Variants in TCN1 observed in about 807,000 individuals in gnomAD.
The protein encoded by TCN1 is transcobalamin 1, also known as transcobalamin-1.
A neutral mutation model predicts 46.3 loss-of-function variants in TCN1; 47 were observed. The ratio of observed to expected loss-of-function variants is 1.01; its 90% CI spans 0.80 to 1.29. The LOEUF is 1.29. TCN1 is among the 50% of genes most tolerant of loss of function. The pLI is 0.00. For missense variants in TCN1, 532 were observed against 511.0 expected (o/e 1.04, Z -0.40); for synonymous variants, 183 against 192.5 (o/e 0.95, Z 0.41).
At position 59,853,308 on chromosome 11, in the gene TCN1, C is replaced by T. The variant is rs763549157; in HGVS notation, c.1135G>A (p.Glu379Lys). 6.2e-7 allele frequency: 1 copy of T among 1,613,914 alleles called. No individual in the cohort carries two copies. Among genetic ancestry groups the T allele is most frequent in the African/African-American group, 1.3e-5 (1 of 74,888 alleles). ...NDTIFGFTME[E>K]RSWGPYITCI... is the part of the protein sequence containing the mutation. ...GTGATATAGGGCCCCCATGAGCGCTCCTCCATTGTGAAACTGTGGGTGACA... is the reference window on the plus strand; with the variant it reads ...GTGATATAGGGCCCCCATGAGCGCTTCTCCATTGTGAAACTGTGGGTGACA... Residue 379 changes from glutamate to lysine, a missense_variant, in exon 8 of 9, where the codon GAG becomes AAG. Glu to Lys is a moderately conservative substitution (Grantham distance 56, BLOSUM62 1). Transcript: ENST00000257264.
At chr11:59,865,957 A>T (rs1565215729) in intron 1 of TCN1, among the ~76,000 whole-genome samples, 1 of 152,004 alleles carries the variant, frequency 6.6e-6, no homozygotes, top group Admixed American at 6.6e-5. Context: ...TTTGAAAGAG[A>T]TTATTATTTT....
intron 2 of TCN1, 25 bp downstream of exon 2, chr11:59,863,882 T>A (rs563133806): frequency 6.2e-7 from 1 of 1,613,174 alleles, no homozygotes; most frequent in African/African-American, 1.3e-5. Flanking sequence ...TTTTTCTAAA[T>A]CTTCCAGAAT....
At chr11:59,854,573 A>G (rs1475389321) in intron 7 of TCN1, 79 bp downstream of exon 7, 46 of 1,455,430 alleles carry the variant, frequency 3.2e-5, no homozygotes, top group Non-Finnish European at 4.0e-5. Context: ...TATACTTTGT[A>G]TTTAGGTGCA....
chr11:59,862,533 T>G, intron 3 of TCN1, 49 bp downstream of exon 3: 1 of 1,602,524 alleles, frequency 6.2e-7, no homozygotes, highest in African/African-American at 1.3e-5. Context: ...TTTGAATCAG[T>G]GGAGGAGAAG....
intron 5 of TCN1, 27 bp from the exon 6 acceptor site, chr11:59,856,085 G>GGGGGGGGGGGGGA: frequency 1.7e-6 from 1 of 585,330 alleles, no homozygotes; most frequent in Non-Finnish European, 3.2e-6. Flanking sequence ...GGGTGGGGGG[G>GGGGGGGGGGGGGA]TGATGAGAGA....
At position 59,861,522 on chromosome 11, in the gene TCN1, C is replaced by A; in HGVS notation, c.556+5G>T. 1 of 1,613,990 alleles carries A rather than the reference C, an allele frequency of 6.2e-7. No homozygotes were observed. The highest frequency in any genetic ancestry group is 2.2e-5 in the East Asian group (1 of 44,880). On this transcript the variant is annotated splice_donor_5th_base_variant and intron_variant, in intron 4 of 8. Coordinates refer to ENST00000257264, the MANE Select transcript of TCN1 (RefSeq NM_001062.4). Reference sequence around the variant, plus strand: ...GTACCAAGGGAATTGGGCTTAGTAACTCACCTACTGAGAACTGGCTACCAA... The same window carrying A: ...GTACCAAGGGAATTGGGCTTAGTAAATCACCTACTGAGAACTGGCTACCAA...
intron 1 of TCN1, 146 bp from the exon 2 acceptor site, chr11:59,864,232 C>G (rs1853048491): frequency 1.1e-6 from 1 of 921,176 alleles, no homozygotes; most frequent in Non-Finnish European, 1.7e-6. Context: ...TGGAATAATA[C>G]AAAGGTGGGT....
intron 2 of TCN1, 57 bp downstream of exon 2, chr11:59,863,850 A>C: frequency 6.3e-7 from 1 of 1,599,256 alleles, no homozygotes; most frequent in Non-Finnish European, 8.6e-7. Context: ...TTAGTTGCAG[A>C]TAATCTTTAA....
intron 4 of TCN1, among the ~76,000 whole-genome samples, chr11:59,860,423 C>T (rs993172164): frequency 6.6e-6 from 1 of 151,724 alleles, no homozygotes; most frequent in African/African-American, 2.4e-5. Context: ...GCCACTGCAC[C>T]CTGCCTTTTT....
rs545960885 is a variant in TCN1 at position 59,856,310 on chromosome 11, T to C, written c.748-252A>G. ...ATAACACAAGCTATAATAGTTCCAA[T>C]GAAGGCAGACTTTGCCACATTCATT... On this transcript the variant is annotated intron_variant, in intron 5 of 8. Coordinates refer to ENST00000257264, the MANE Select transcript of TCN1 (RefSeq NM_001062.4). 3.3e-5 allele frequency among the ~76,000 whole-genome samples: 5 copies of C among 152,276 alleles called. No homozygotes were observed. In the South Asian group the frequency reaches 8.3e-4, roughly 25 times the overall value.
At chr11:59,866,254 C>A in intron 1 of TCN1, 138 bp downstream of exon 1, 1 of 830,230 alleles carries the variant, frequency 1.2e-6, no homozygotes. Context: ...TCCTGCCACC[C>A]TTTTCATCAT....
chr11:59,856,716 A>C (rs1852947630), intron 5 of TCN1, among the ~76,000 whole-genome samples: 1 of 152,188 alleles, frequency 6.6e-6, no homozygotes, highest in Non-Finnish European at 1.5e-5. Flanking sequence ...GCAACTGTGG[A>C]AAAACAGGCT....
intron 7 of TCN1, 139 bp from the exon 8 acceptor site, chr11:59,853,460 A>T (rs1590864324): frequency 2.4e-6 from 2 of 836,718 alleles, no homozygotes; most frequent in Non-Finnish European, 4.1e-6. Flanking sequence ...CTATCCATAG[A>T]TATTTTTATT....
chr11:59,863,922 T>G lies in TCN1; in HGVS notation c.244A>C (p.Asn82His), dbSNP rs755551522. The G allele has an allele frequency of 7.4e-6, 12 of 1,613,738 alleles. No homozygotes were observed. The highest frequency in any genetic ancestry group is 1.3e-5 in the African/African-American group (1 of 74,928). ...AGCAACTTACATCTGCTTTTCACAT[T>G]GTATTTGATTTGTTGGATCATCTTT... ...MQKMIQQIKY[N>H]VKSRLSDVSS... The change falls in exon 2 of 9, where the codon AAT becomes CAT. Residue 82 changes from asparagine (N) to histidine (H), a missense_variant. Coordinates refer to ENST00000257264, the MANE Select transcript of TCN1 (RefSeq NM_001062.4).
At chr11:59,853,155 C>T (rs766164818) in intron 8 of TCN1, 48 bp downstream of exon 8, 1 of 1,608,580 alleles carries the variant, frequency 6.2e-7, no homozygotes, top group Non-Finnish European at 8.5e-7. Flanking sequence ...CACCCCTCTC[C>T]ATTTGGGCAT....
intron 4 of TCN1, among the ~76,000 whole-genome samples, chr11:59,860,988 T>C (rs1433469817): frequency 6.6e-6 from 1 of 152,226 alleles, no homozygotes; most frequent in Non-Finnish European, 1.5e-5. Flanking sequence ...AAGACTTCTT[T>C]ATGGATATTA....
At chr11:59,855,011 A>G (rs1443555913) in intron 6 of TCN1, among the ~76,000 whole-genome samples, 176 bp from the exon 7 acceptor site, 1 of 152,198 alleles carries the variant, frequency 6.6e-6, no homozygotes, top group African/African-American at 2.4e-5. Flanking sequence ...TAAAGCAGAA[A>G]CTAAGACCCA....
Position 59,853,052 on chromosome 11 carries a change from A to C in TCN1, c.1241-16T>G, listed in dbSNP as rs202042153. 1.6e-5 allele frequency: 26 copies of C among 1,614,050 alleles called. No individual in the cohort carries two copies. Among genetic ancestry groups the C allele is most frequent in the Admixed American group, 1.2e-4 (7 of 60,024 alleles). ...CTACCAGCTCCTGAAAAGGAAGAAG[A>C]AAGAGAACTGGGTCAAATGATTTGG... On this transcript the variant is annotated splice_polypyrimidine_tract_variant and intron_variant, in intron 8 of 8. Coordinates refer to ENST00000257264, the MANE Select transcript of TCN1 (RefSeq NM_001062.4).
At chr11:59,855,052 G>C (rs141108148) in intron 6 of TCN1, among the ~76,000 whole-genome samples, 86 of 152,184 alleles carry the variant, frequency 5.7e-4, no homozygotes, top group African/African-American at 2.0e-3. Context: ...TTGGCACTTG[G>C]CTCAACTCCC....
Sources: gnomAD v4.1 joint callset for allele counts (sites outside exome capture counted in the v4.1 genomes callset) on GRCh38, gnomAD v4.1.1 for gene constraint, MANE v1.5 for transcripts, NCBI Gene and HGNC (gene_info 2026-07-23, HGNC 2026-07-21) for gene names.